The following PRRX2 variants were observed in gnomAD, a reference collection of about 807,000 sequenced individuals.
PRRX2 encodes paired mesoderm homeobox protein 2.
In PRRX2, 11 loss-of-function variants were observed where a neutral mutation model predicts 18.0. The observed-to-expected ratio is 0.61, with a 90% CI of 0.39 to 1.01. The LOEUF (loss-of-function observed/expected upper bound fraction) is 1.01. Among genes scored for constraint, PRRX2 ranks in the 50% least tolerant of loss-of-function variants. The pLI, the probability that PRRX2 is intolerant of heterozygous loss-of-function variation, is 0.01. For synonymous variants in PRRX2, 177 were observed against 154.8 expected, an observed-to-expected ratio of 1.14 and a Z score of -1.06; for missense variants, 387 against 351.0, an observed-to-expected ratio of 1.10 and a Z score of -0.82.
rs72324782 is a variant in PRRX2, at chr9:129,684,427, AACACACACACACAC to A, written c.259+18320_259+18333del. Among the ~76,000 whole-genome samples the A allele has an allele frequency of 9.0e-3, 745 of 83,004 alleles. 8 individuals carry two copies. Among genetic ancestry groups the A allele is most frequent in the African/African-American group, 0.034 (727 of 21,680 alleles). The allele number at this position is 83,004 out of a possible 152,430, so 54.5% of individuals were successfully genotyped here. On this transcript the variant is annotated intron_variant, in intron 1 of 3. Transcript: ENST00000372469. ...CACAGAGAGAGACACACACAGATACAACACACACACACACACACACACACACACACACCCAACAG... is the reference window on the plus strand; with the variant it reads ...CACAGAGAGAGACACACACAGATACAACACACACACACACACACCCAACAG...
chr9:129,687,910 C>T (rs950223155), intron 1 of PRRX2, among the ~76,000 whole-genome samples: 7 of 152,206 alleles, frequency 4.6e-5, no homozygotes, highest in Non-Finnish European at 1.0e-4. Flanking sequence ...AAAGGGCTTT[C>T]TGGAGGTAGC....
intron 1 of PRRX2, among the ~76,000 whole-genome samples, chr9:129,702,264 G>C (rs897957749): frequency 6.6e-6 from 1 of 151,854 alleles, no homozygotes; most frequent in Non-Finnish European, 1.5e-5. Context: ...TGGGCATGGT[G>C]GTGGGCGCCT....
chr9:129,678,556 G>A (rs1418331277), intron 1 of PRRX2, among the ~76,000 whole-genome samples: 2 of 152,172 alleles, frequency 1.3e-5, no homozygotes, highest in Non-Finnish European at 2.9e-5. Context: ...AATGAGTGGA[G>A]TTGTCCAGTA....
In PRRX2 at chr9:129,720,737, C is replaced by T. The variant is rs751649295; in HGVS notation, c.589C>T (p.Pro197Ser). The T allele has an allele frequency of 6.2e-6, 10 of 1,610,890 alleles. No homozygotes were observed. In the South Asian group the frequency reaches 1.1e-4, roughly 18 times the overall value. ...PVAPRPTALSPDYLSWTASSP... is the reference protein window; with the variant it reads ...PVAPRPTALSSDYLSWTASSP... The stretch of plus-strand genomic sequence containing the variant: ...GGCTCCCCGGCCCACCGCCCTGAGT[C>T]CAGATTATCTCTCCTGGACAGCCTC... Residue 197 changes from proline (P) to serine (S), a missense_variant, in exon 3 of 4, where the codon CCA (proline) becomes TCA (serine). Transcript: ENST00000372469.
chr9:129,684,958 G>C (rs1185038569), intron 1 of PRRX2, among the ~76,000 whole-genome samples: 1 of 152,214 alleles, frequency 6.6e-6, no homozygotes, highest in Non-Finnish European at 1.5e-5. Context: ...TGTCAATCAT[G>C]ACTCTCAAAG....
At chr9:129,666,511 G>A (rs1832024913) in intron 1 of PRRX2, among the ~76,000 whole-genome samples, 2 of 151,962 alleles carry the variant, frequency 1.3e-5, no homozygotes, top group African/African-American at 4.8e-5. Context: ...ACGAGCTAGC[G>A]CCGCCCCAGC....
chr9:129,673,147 C>T (rs922555981), intron 1 of PRRX2, among the ~76,000 whole-genome samples: 5 of 152,284 alleles, frequency 3.3e-5, no homozygotes, highest in African/African-American at 1.2e-4. Flanking sequence ...ATCTTCATCT[C>T]TGAGTACAGA....
chr9:129,667,422 G>C (rs78096387), intron 1 of PRRX2, among the ~76,000 whole-genome samples: 1 of 152,190 alleles, frequency 6.6e-6, no homozygotes. Context: ...CAGCGGCTCT[G>C]AGCCGGTCCC....
intron 1 of PRRX2, among the ~76,000 whole-genome samples, chr9:129,711,895 C>T (rs1832627311): frequency 6.6e-6 from 1 of 152,172 alleles, no homozygotes; most frequent in African/African-American, 2.4e-5. Context: ...CCACTTGTGT[C>T]CTTGCTGATG....
In PRRX2 at chr9:129,720,641, G is replaced by C. The variant is rs545291388; in HGVS notation, c.493G>C (p.Ala165Pro). ...RRAKFRRNER[A>P]MLASRSASLL... is the part of the protein sequence containing the mutation. ...CGCCAAGTTCCGCAGGAATGAAAGGGCCATGCTGGCCAGCCGCTCTGCCTC... is the reference window on the plus strand; with the variant it reads ...CGCCAAGTTCCGCAGGAATGAAAGGCCCATGCTGGCCAGCCGCTCTGCCTC... Residue 165 changes from alanine (A) to proline (P), a missense_variant, in exon 3 of 4, where the codon GCC (alanine) becomes CCC (proline). Ala to Pro is a conservative substitution (Grantham distance 27). Coordinates refer to ENST00000372469, the MANE Select transcript of PRRX2 (RefSeq NM_016307.4). 1.9e-6 allele frequency: 3 copies of C among 1,613,106 alleles called. 1 individual carries two copies. The South Asian group carries it at 3.3e-5, about 18-fold the overall frequency.
intron 1 of PRRX2, among the ~76,000 whole-genome samples, chr9:129,711,600 G>A (rs1832621795): frequency 6.6e-6 from 1 of 151,786 alleles, no homozygotes; most frequent in Non-Finnish European, 1.5e-5. Context: ...TAGAGACCGG[G>A]GTTTCACCAT....
At chr9:129,713,043 T>TCGGAGG (rs1333900369) in intron 1 of PRRX2, 2 of 152,288 alleles carry the variant, frequency 1.3e-5, no homozygotes, top group Admixed American at 6.5e-5. Flanking sequence ...GCACATCCGC[T>TCGGAGG]CGGAGGCGGA....
At chr9:129,683,119 T>A (rs909271152) in intron 1 of PRRX2, among the ~76,000 whole-genome samples, 2 of 151,258 alleles carry the variant, frequency 1.3e-5, no homozygotes, top group African/African-American at 4.9e-5. Flanking sequence ...AAAAAAAAAT[T>A]CCCTCTGGCT....
Position 129,722,429 on chromosome 9 carries a change from CCTT to C in PRRX2, c.*80_*82del. The C allele has an allele frequency of 6.5e-7, 1 of 1,537,084 alleles. No homozygotes were observed. The highest frequency in any genetic ancestry group is 1.2e-5 in the South Asian group (1 of 81,850). On this transcript the variant is annotated 3_prime_UTR_variant, in exon 4 of 4. Transcript: ENST00000372469. The stretch of plus-strand genomic sequence containing the variant: ...AAGGGGGCAGACGCCCAGGAAGTGA[CCTT>C]CTCCTGGATGAGCTCTCCTGGCCCG...
At chr9:129,708,177 A>G (rs1164932503) in intron 1 of PRRX2, among the ~76,000 whole-genome samples, 3 of 152,122 alleles carry the variant, frequency 2.0e-5, no homozygotes, top group African/African-American at 4.8e-5. Flanking sequence ...CTGGGATTTC[A>G]GGTACCTGCC....
At chr9:129,704,456 C>T (rs533497983) in intron 1 of PRRX2, among the ~76,000 whole-genome samples, 64 of 152,230 alleles carry the variant, frequency 4.2e-4, no homozygotes, top group African/African-American at 1.5e-3. Context: ...GGCAGGCAGG[C>T]GTTTGCTATC....
In PRRX2 at chr9:129,720,580, ACCCT is replaced by A; in HGVS notation, c.448-12_448-9del. 1 of 1,588,410 alleles carries A rather than the reference ACCCT, an allele frequency of 6.3e-7. No homozygotes were observed. The highest frequency in any genetic ancestry group is 8.6e-7 in the Non-Finnish European group (1 of 1,166,080). On this transcript the variant is annotated splice_polypyrimidine_tract_variant and intron_variant, in intron 2 of 3. Transcript: ENST00000372469. ...CCCCTGCCCATGCTGCACCCTGCTC[ACCCT>A]CCCACCCACAGGTCTGGTTTCAGAA... is the stretch of plus-strand genomic sequence containing the variant.
chr9:129,714,421 TAATAA>T (rs1013825712), intron 1 of PRRX2, among the ~76,000 whole-genome samples: 5 of 141,074 alleles, frequency 3.5e-5, no homozygotes, highest in African/African-American at 8.1e-5. Flanking sequence ...AAAAAAAAAG[TAATAA>T]AATAAAATAA....
At chr9:129,681,334 A>G (rs61115288) in intron 1 of PRRX2, among the ~76,000 whole-genome samples, 80 of 152,326 alleles carry the variant, frequency 5.3e-4, no homozygotes, top group East Asian at 4.0e-3. Context: ...AGCCTGGCCA[A>G]CATGGCAAAA....
Sources: allele counts gnomAD v4.1 joint callset (sites outside exome capture counted in the v4.1 genomes callset), GRCh38; gene constraint gnomAD v4.1.1; transcripts MANE v1.5; gene names NCBI Gene and HGNC (gene_info 2026-07-23, HGNC 2026-07-21).